Variants in CACNA2D3 observed in about 807,000 individuals in gnomAD.
The protein encoded by CACNA2D3 is voltage-dependent calcium channel subunit alpha-2/delta-3.
A neutral mutation model predicts 160.6 loss-of-function variants in CACNA2D3; 60 were observed. The observed-to-expected ratio is 0.37, with a 90% CI of 0.30 to 0.46. The LOEUF is 0.46. Ranked by LOEUF, CACNA2D3 falls within the 20% of genes least tolerant of loss-of-function variation. The pLI is 1.00. For missense variants in CACNA2D3, 1,205 were observed against 1,365.0 expected (o/e 0.88, Z 1.85); for synonymous variants, 558 against 492.9 (o/e 1.13, Z -1.75).
Position 55,073,842 on chromosome 3 carries a change from C to A in CACNA2D3, c.3166C>A (p.His1056Asn). ...GATCAGAAGGCGCCCAGAATCTTGTCATGGCTTCCATCCTGAGGTAAGTCT... is the reference window on the plus strand; with the variant it reads ...GATCAGAAGGCGCCCAGAATCTTGTAATGGCTTCCATCCTGAGGTAAGTCT... ...QKIRRRPESC[H>N]GFHPEENARE... Residue 1056 changes from histidine to asparagine, a missense_variant, in exon 37 of 38, where the codon CAT becomes AAT. Coordinates refer to ENST00000474759, the MANE Select transcript of CACNA2D3 (RefSeq NM_018398.3). 1 of 1,613,536 alleles carries A rather than the reference C, an allele frequency of 6.2e-7. No individual in the cohort carries two copies. The highest frequency in any genetic ancestry group is 8.5e-7 in the Non-Finnish European group (1 of 1,179,574).
At chr3:55,061,257 T>A (rs1704499232) in intron 35 of CACNA2D3, among the ~76,000 whole-genome samples, 1 of 152,250 alleles carries the variant, frequency 6.6e-6, no homozygotes, top group Non-Finnish European at 1.5e-5. Flanking sequence ...CTGGTCCGAT[T>A]TAATCTTAGC....
At chr3:54,765,567 T>C (rs1027055756) in intron 13 of CACNA2D3, among the ~76,000 whole-genome samples, 2 of 152,162 alleles carry the variant, frequency 1.3e-5, no homozygotes, top group Admixed American at 6.5e-5. Context: ...CTTCATCTTT[T>C]CTTGTATGTT....
At chr3:54,305,549 C>G (rs7427716) in intron 2 of CACNA2D3, among the ~76,000 whole-genome samples, 4 of 152,148 alleles carry the variant, frequency 2.6e-5, no homozygotes, top group Non-Finnish European at 5.9e-5. Context: ...GATGAATGTA[C>G]GCTAATGATC....
In CACNA2D3 at chr3:54,391,116, C is replaced by T. The variant is rs76125690; in HGVS notation, c.381+4342C>T. Reference sequence around the variant, plus strand: ...AAGAGATGATGGATCTGCCCCTTCTCTCGCTTTAGACTGGAGACGTTGCAT... The same window carrying T: ...AAGAGATGATGGATCTGCCCCTTCTTTCGCTTTAGACTGGAGACGTTGCAT... On this transcript the variant is annotated intron_variant, in intron 4 of 37. Transcript: ENST00000474759. Among the ~76,000 whole-genome samples the T allele has an allele frequency of 1.5e-4, 23 of 152,364 alleles. No individual in the cohort carries two copies. The East Asian group carries it at 3.9e-3, about 26-fold the overall frequency.
chr3:54,262,569 T>C (rs145483879), intron 2 of CACNA2D3, among the ~76,000 whole-genome samples: 240 of 151,474 alleles, frequency 1.6e-3, no homozygotes, highest in African/African-American at 5.5e-3. Flanking sequence ...TACAGAAAAA[T>C]GAAAGACCTT....
At chr3:54,496,135 G>A (rs1370096298) in intron 4 of CACNA2D3, among the ~76,000 whole-genome samples, 1 of 152,142 alleles carries the variant, frequency 6.6e-6, no homozygotes, top group African/African-American at 2.4e-5. Flanking sequence ...ATTTTTGTGG[G>A]CATATATTCT....
intron 3 of CACNA2D3, among the ~76,000 whole-genome samples, chr3:54,345,858 T>C (rs1320489625): frequency 6.6e-6 from 1 of 151,218 alleles, no homozygotes; most frequent in Admixed American, 6.6e-5. Flanking sequence ...AAAAATTGCA[T>C]GTGTAGAATC....
chr3:55,027,703 G>A (rs189132906), intron 35 of CACNA2D3, among the ~76,000 whole-genome samples: 4 of 152,138 alleles, frequency 2.6e-5, no homozygotes, highest in East Asian at 1.9e-4. Context: ...CCAGGAGTGC[G>A]CTGGAAATTG....
intron 5 of CACNA2D3, among the ~76,000 whole-genome samples, chr3:54,509,735 C>G (rs1487658508): frequency 6.6e-6 from 1 of 152,158 alleles, no homozygotes; most frequent in African/African-American, 2.4e-5. Flanking sequence ...GATAGTGCCA[C>G]TGAAGTAACT....
At chr3:54,858,651 C>A (rs1699220606) in intron 17 of CACNA2D3, among the ~76,000 whole-genome samples, 1 of 152,076 alleles carries the variant, frequency 6.6e-6, no homozygotes, top group African/African-American at 2.4e-5. Flanking sequence ...GACTGGGCTG[C>A]TTAAGTGATG....
rs540931864 is a variant in CACNA2D3, at chr3:54,695,394, C to CT, written c.1167+53164dup. Among the ~76,000 whole-genome samples the CT allele has an allele frequency of 8.2e-4, 117 of 143,548 alleles. 1 individual carries two copies. The highest frequency in any genetic ancestry group is 1.4e-3 in the East Asian group (7 of 4,918). The allele number at this position is 143,548 out of a possible 152,430, so 94.2% of individuals were successfully genotyped here. A position where few individuals can be genotyped will look rare whatever the true frequency, so the allele number is the denominator to read the frequency against. ...AGTTTTTTTTTTCTGTTTCTTGTTG[C>CT]TTTTTTTTTTTAAACCATCATCTTT... On this transcript the variant is annotated intron_variant, in intron 11 of 37. Coordinates refer to ENST00000474759, the MANE Select transcript of CACNA2D3 (RefSeq NM_018398.3).
At chr3:54,748,098 A>G (rs546097406) in intron 11 of CACNA2D3, among the ~76,000 whole-genome samples, 1 of 152,298 alleles carries the variant, frequency 6.6e-6, no homozygotes, top group East Asian at 1.9e-4. Flanking sequence ...GTGATAGATG[A>G]CAAACTACTC....
chr3:54,752,628 A>C lies in CACNA2D3; in HGVS notation c.1197A>C (p.Arg399=). Residue 399 remains arginine, a synonymous_variant, in exon 12 of 38, where the codon CGA becomes CGC. Coordinates refer to ENST00000474759, the MANE Select transcript of CACNA2D3 (RefSeq NM_018398.3). ...GCATCTTCACATACCTCATTGGACGAGAGGCTGCGTTTGCAGACAATCTAA... is the reference window on the plus strand; with the variant it reads ...GCATCTTCACATACCTCATTGGACGCGAGGCTGCGTTTGCAGACAATCTAA... ...KVRIFTYLIG[R]EAAFADNLKW... is the part of the protein sequence containing the mutation. 1 of 1,613,666 alleles carries C rather than the reference A, an allele frequency of 6.2e-7. No individual in the cohort carries two copies.
At chr3:54,267,377 C>T (rs770676664) in intron 2 of CACNA2D3, among the ~76,000 whole-genome samples, 102 of 152,248 alleles carry the variant, frequency 6.7e-4, no homozygotes, top group Non-Finnish European at 1.3e-3. Flanking sequence ...CTGTTCTGGG[C>T]TACTCGTTAC....
At chr3:54,764,170 A>G (rs2107098751) in intron 12 of CACNA2D3, 48 bp from the exon 13 acceptor site, 3 of 1,607,714 alleles carry the variant, frequency 1.9e-6, no homozygotes, top group Admixed American at 1.7e-5. Context: ...CCCAGTTGCA[A>G]GTCTTTCTGT....
intron 2 of CACNA2D3, among the ~76,000 whole-genome samples, chr3:54,196,330 C>T (rs1033907520): frequency 6.6e-6 from 1 of 152,178 alleles, no homozygotes; most frequent in Non-Finnish European, 1.5e-5. Flanking sequence ...AGGCAGTCTT[C>T]ATCAGATGAA....
rs59534343 is a variant in CACNA2D3, at chr3:54,303,818, G to GTTTTTTGTTTTTTTTTTTTT, written c.205-16618_205-16617insGTTTTTTTTTTTTTTTTTTT. Among the ~76,000 whole-genome samples, 34 of 115,006 alleles carry GTTTTTTGTTTTTTTTTTTTT rather than the reference G, an allele frequency of 3.0e-4. 3 individuals are homozygous for GTTTTTTGTTTTTTTTTTTTT. Among genetic ancestry groups the GTTTTTTGTTTTTTTTTTTTT allele is most frequent in the Non-Finnish European group, 2.9e-4 (17 of 58,424 alleles). The allele number at this position is 115,006 out of a possible 152,430, so 75.4% of individuals were successfully genotyped here. On this transcript the variant is annotated intron_variant, in intron 2 of 37. Transcript: ENST00000474759. Reference sequence around the variant, plus strand: ...CAGCCTCATCAGTGACTTTTTTTCTGTTTTTTTTTTTTTTTTTTTTCTATT... The same window carrying GTTTTTTGTTTTTTTTTTTTT: ...CAGCCTCATCAGTGACTTTTTTTCTGTTTTTTGTTTTTTTTTTTTTTTTTTTTTTTTTTTTTTTTTCTATT...
intron 2 of CACNA2D3, among the ~76,000 whole-genome samples, chr3:54,270,996 T>G (rs1575357463): frequency 6.6e-6 from 1 of 152,340 alleles, no homozygotes; most frequent in East Asian, 1.9e-4. Flanking sequence ...AACAGTAAGT[T>G]TCCAAGAGAT....
chr3:54,633,821 A>C (rs1699299012), intron 10 of CACNA2D3: 2 of 152,200 alleles, frequency 1.3e-5, no homozygotes, highest in African/African-American at 4.8e-5. Context: ...GTGGTGTACC[A>C]ACCACTTAAG....
Sources: gnomAD v4.1 joint callset for allele counts (sites outside exome capture counted in the v4.1 genomes callset) on GRCh38, gnomAD v4.1.1 for gene constraint, MANE v1.5 for transcripts, NCBI Gene and HGNC (gene_info 2026-07-23, HGNC 2026-07-21) for gene names.